Variants in MYO3B observed in about 807,000 individuals in gnomAD.
MYO3B encodes myosin IIIB, also known as myosin-IIIb.
In MYO3B, 156 loss-of-function variants were observed where a neutral mutation model predicts 174.6. The observed-to-expected ratio is 0.89, with a 90% CI of 0.78 to 1.02. The LOEUF (loss-of-function observed/expected upper bound fraction) is 1.02. MYO3B is among the 50% of genes least tolerant of loss of function. MYO3B has a pLI of 0.00. For synonymous variants in MYO3B, 563 were observed against 569.1 expected (o/e 0.99, Z 0.15); for missense variants, 1,632 against 1,639.4 (o/e 1.00, Z 0.08).
At chr2:170,511,304 G>T (rs1215008501) in intron 28 of MYO3B, among the ~76,000 whole-genome samples, 1 of 151,510 alleles carries the variant, frequency 6.6e-6, no homozygotes, top group Non-Finnish European at 1.5e-5. Flanking sequence ...CTGACCTCGT[G>T]ATCCGCCTGC....
chr2:170,303,724 A>G (rs1163285003), intron 7 of MYO3B, among the ~76,000 whole-genome samples: 1 of 152,160 alleles, frequency 6.6e-6, no homozygotes, highest in African/African-American at 2.4e-5. Flanking sequence ...TACTGATTAC[A>G]GTTCATTTTA....
intron 32 of MYO3B, among the ~76,000 whole-genome samples, chr2:170,546,484 A>G (rs1022438388): frequency 1.3e-5 from 2 of 152,236 alleles, no homozygotes; most frequent in Non-Finnish European, 1.5e-5. Context: ...CTCCAAATAG[A>G]TATAGTGTAC....
chr2:170,544,082 TA>T, intron 32 of MYO3B, 94 bp downstream of exon 32: 2 of 964,306 alleles, frequency 2.1e-6, no homozygotes, highest in Non-Finnish European at 3.1e-6. Context: ...AATTAGATAG[TA>T]ATATGACCAA....
chr2:170,371,216 TAAAAAAAAAAAAA>T (rs56689548), intron 9 of MYO3B, among the ~76,000 whole-genome samples: 3 of 89,720 alleles, frequency 3.3e-5, no homozygotes, highest in South Asian at 4.5e-4. Flanking sequence ...AGACAGTGTC[TAAAAAAAAAAAAA>T]AAAAAAAAAA....
At chr2:170,403,271 TCTTCTA>T (rs749602847) in intron 19 of MYO3B, among the ~76,000 whole-genome samples, 22 of 49,330 alleles carry the variant, frequency 4.5e-4, no homozygotes, top group Non-Finnish European at 7.6e-4. Context: ...ATACTGTATC[TCTTCTA>T]CTTTATTTAA....
At chr2:170,493,955 C>T (rs1253845710) in intron 25 of MYO3B, among the ~76,000 whole-genome samples, 1 of 152,258 alleles carries the variant, frequency 6.6e-6, no homozygotes, top group Non-Finnish European at 1.5e-5. Flanking sequence ...TTTAAGATGA[C>T]TGCAGCCATG....
chr2:170,226,741 G>A (rs2092956547), intron 6 of MYO3B, among the ~76,000 whole-genome samples: 1 of 152,158 alleles, frequency 6.6e-6, no homozygotes. Flanking sequence ...GAGGCCCAGA[G>A]CAGAGGCCTC....
intron 7 of MYO3B, among the ~76,000 whole-genome samples, chr2:170,271,291 T>C (rs899652935): frequency 6.6e-6 from 1 of 152,206 alleles, no homozygotes; most frequent in Non-Finnish European, 1.5e-5. Context: ...TGTTATTTTG[T>C]TTTTAAATAA....
intron 7 of MYO3B, among the ~76,000 whole-genome samples, chr2:170,287,714 T>A (rs957639103): frequency 6.6e-6 from 1 of 152,120 alleles, no homozygotes. Flanking sequence ...TTGCAGAAGA[T>A]TTTTAGCTTG....
chr2:170,330,836 T>A (rs1423984294), intron 7 of MYO3B, among the ~76,000 whole-genome samples: 1 of 152,142 alleles, frequency 6.6e-6, no homozygotes, highest in African/African-American at 2.4e-5. Context: ...CTCTGAATAA[T>A]TTAGTTGGAA....
intron 17 of MYO3B, among the ~76,000 whole-genome samples, chr2:170,401,211 C>G (rs2094473901): frequency 6.6e-6 from 1 of 152,160 alleles, no homozygotes; most frequent in Admixed American, 6.5e-5. Context: ...AGAATACAGT[C>G]TGCACCTATT....
chr2:170,512,203 G>A (rs1227758086), intron 28 of MYO3B, among the ~76,000 whole-genome samples: 1 of 149,492 alleles, frequency 6.7e-6, no homozygotes, highest in African/African-American at 2.4e-5. Flanking sequence ...TAGAGATAGA[G>A]GCCAGGATTT....
At chr2:170,631,924 A>G (rs1575298214) in intron 32 of MYO3B, among the ~76,000 whole-genome samples, 6 of 152,342 alleles carry the variant, frequency 3.9e-5, no homozygotes, top group Admixed American at 3.9e-4. Flanking sequence ...AACGGTAAAG[A>G]GATGATTCCA....
At chr2:170,515,177 C>T (rs1267944887) in intron 29 of MYO3B, among the ~76,000 whole-genome samples, 155 bp downstream of exon 29, 1 of 152,168 alleles carries the variant, frequency 6.6e-6, no homozygotes, top group Non-Finnish European at 1.5e-5. Context: ...TTAAGGCCAA[C>T]CTTGCAGAGG....
At chr2:170,254,764 T>C (rs1177390674) in intron 7 of MYO3B, among the ~76,000 whole-genome samples, 1 of 152,164 alleles carries the variant, frequency 6.6e-6, no homozygotes, top group Non-Finnish European at 1.5e-5. Context: ...CACAGGTTCA[T>C]GTGCCAGCAT....
intron 8 of MYO3B, among the ~76,000 whole-genome samples, chr2:170,347,395 A>G (rs565963548): frequency 6.6e-6 from 1 of 152,260 alleles, no homozygotes; most frequent in East Asian, 1.9e-4. Flanking sequence ...TGAGGTCAGG[A>G]GTTCAAGACC....
At chr2:170,605,806 G>A (rs1334329848) in intron 32 of MYO3B, among the ~76,000 whole-genome samples, 1 of 152,092 alleles carries the variant, frequency 6.6e-6, no homozygotes, top group African/African-American at 2.4e-5. Flanking sequence ...GTTGTAGTGA[G>A]CTGAGATCAT....
chr2:170,620,201 A>G (rs1361799720), intron 32 of MYO3B, among the ~76,000 whole-genome samples: 1 of 152,194 alleles, frequency 6.6e-6, no homozygotes. Context: ...ACCAAAAAAA[A>G]AACACTTCTT....
At chr2:170,234,574 A>G (rs1411784533) in intron 6 of MYO3B, among the ~76,000 whole-genome samples, 2 of 152,218 alleles carry the variant, frequency 1.3e-5, no homozygotes, top group Non-Finnish European at 2.9e-5. Flanking sequence ...ACGATTCTCT[A>G]GATCAGAAGT....
Sources: gnomAD v4.1 joint callset for allele counts (sites outside exome capture counted in the v4.1 genomes callset) on GRCh38, gnomAD v4.1.1 for gene constraint, MANE v1.5 for transcripts, NCBI Gene and HGNC (gene_info 2026-07-23, HGNC 2026-07-21) for gene names.